SOX6: variants seen among roughly 807,000 people sequenced by gnomAD.
SOX6 encodes the protein SRY-box transcription factor 6, also known as transcription factor SOX-6.
Under a neutral mutation model 97.8 loss-of-function variants are expected in SOX6, and 11 were observed. That is an observed-to-expected ratio of 0.11 (90% CI 0.07 to 0.19). The LOEUF is 0.19. SOX6 is among the 10% of genes least tolerant of loss of function. The probability of loss-of-function intolerance (pLI) is 1.00; values close to 1 mark genes in which losing one functional copy is unlikely to be tolerated. For synonymous variants in SOX6, 360 were observed against 371.4 expected (o/e 0.97, Z 0.35); for missense variants, 810 against 1,039.5 (o/e 0.78, Z 3.04).
At chr11:16,327,681 T>C (rs1312317395) in intron 2 of SOX6, among the ~76,000 whole-genome samples, 1 of 152,068 alleles carries the variant, frequency 6.6e-6, no homozygotes, top group Non-Finnish European at 1.5e-5. Flanking sequence ...ACAAGGAATG[T>C]GGATGGTCAG....
chr11:16,390,958 A>G (rs1003352213), intron 1 of SOX6, among the ~76,000 whole-genome samples: 1 of 152,230 alleles, frequency 6.6e-6, no homozygotes, highest in African/African-American at 2.4e-5. Flanking sequence ...TCCATCAATG[A>G]TACACTGGAT....
chr11:16,654,761 C>G (rs555643484), intron 3 of SOX6, among the ~76,000 whole-genome samples: 2 of 152,144 alleles, frequency 1.3e-5, no homozygotes, highest in Non-Finnish European at 2.9e-5. Flanking sequence ...TGCTAAGAAG[C>G]CTTCTGCTAG....
At chr11:16,458,849 A>G (rs772723039) in intron 1 of SOX6, among the ~76,000 whole-genome samples, 2 of 152,052 alleles carry the variant, frequency 1.3e-5, no homozygotes, top group Non-Finnish European at 2.9e-5. Context: ...TAGAGAGAGA[A>G]ACTACTGACT....
chr11:16,619,239 CAA>C (rs1156399215), intron 3 of SOX6, among the ~76,000 whole-genome samples: 1 of 132,152 alleles, frequency 7.6e-6, no homozygotes. Flanking sequence ...CCCGTATTAC[CAA>C]AAAAAAAAAG....
intron 13 of SOX6, among the ~76,000 whole-genome samples, chr11:16,002,173 A>G (rs1854425894): frequency 6.6e-6 from 1 of 152,206 alleles, no homozygotes; most frequent in South Asian, 2.1e-4. Context: ...GGAGTGGCGC[A>G]GGAGTTATAA....
At chr11:16,597,268 C>T (rs1192623413) in intron 4 of SOX6, among the ~76,000 whole-genome samples, 1 of 151,834 alleles carries the variant, frequency 6.6e-6, no homozygotes, top group Non-Finnish European at 1.5e-5. Context: ...TTTATCCTAA[C>T]ACCGTTATCC....
chr11:16,501,154 C>T (rs1208831495), intron 4 of SOX6, among the ~76,000 whole-genome samples: 1 of 152,062 alleles, frequency 6.6e-6, no homozygotes, highest in Non-Finnish European at 1.5e-5. Context: ...GAAATAATGC[C>T]ACATATCTAC....
chr11:16,634,250 A>T (rs1467130128), intron 3 of SOX6, among the ~76,000 whole-genome samples: 3 of 152,096 alleles, frequency 2.0e-5, no homozygotes, highest in African/African-American at 4.8e-5. Flanking sequence ...TTATATGAAC[A>T]TAGTAAAATA....
chr11:16,218,869 C>T (rs1360907051), intron 4 of SOX6, among the ~76,000 whole-genome samples: 1 of 152,026 alleles, frequency 6.6e-6, no homozygotes, highest in African/African-American at 2.4e-5. Context: ...CCTGGCCAAA[C>T]CATTTTCATG....
At chr11:16,416,118 C>T (rs574351956) in intron 1 of SOX6, among the ~76,000 whole-genome samples, 45 of 152,284 alleles carry the variant, frequency 3.0e-4, no homozygotes, top group African/African-American at 1.1e-3. Flanking sequence ...GCACTAGAGA[C>T]AGTCTGCTTG....
chr11:16,134,740 A>C (rs1240802267), intron 6 of SOX6, among the ~76,000 whole-genome samples: 1 of 152,218 alleles, frequency 6.6e-6, no homozygotes, highest in Non-Finnish European at 1.5e-5. Flanking sequence ...GCATGCGTTC[A>C]GGCTGCACCA....
intron 11 of SOX6, among the ~76,000 whole-genome samples, chr11:16,047,413 G>A (rs1174440207): frequency 1.3e-5 from 2 of 152,036 alleles, no homozygotes; most frequent in African/African-American, 4.8e-5. Context: ...TGACAATGAG[G>A]CGATATGTGT....
At chr11:16,591,390 T>G (rs533029727) in intron 4 of SOX6, among the ~76,000 whole-genome samples, 11 of 142,578 alleles carry the variant, frequency 7.7e-5, no homozygotes, top group African/African-American at 2.8e-4. Flanking sequence ...AGAAAGATAA[T>G]TAGGTATATA....
chr11:16,120,790 G>A (rs954709693), intron 6 of SOX6, among the ~76,000 whole-genome samples: 7 of 151,930 alleles, frequency 4.6e-5, no homozygotes, highest in Admixed American at 6.6e-5. Flanking sequence ...AGTAAAACAC[G>A]CAAACAAAGC....
intron 3 of SOX6, among the ~76,000 whole-genome samples, chr11:16,249,686 A>T (rs1437721178): frequency 6.6e-6 from 1 of 152,174 alleles, no homozygotes; most frequent in East Asian, 1.9e-4. Context: ...ACCAAAAATA[A>T]ATTTATCAGA....
chr11:16,523,664 A>C (rs1250283633), intron 4 of SOX6, among the ~76,000 whole-genome samples: 1 of 152,190 alleles, frequency 6.6e-6, no homozygotes, highest in African/African-American at 2.4e-5. Flanking sequence ...GAGACACAAA[A>C]AACACTTCAA....
intron 4 of SOX6, among the ~76,000 whole-genome samples, chr11:16,549,666 C>T (rs1361152133): frequency 6.6e-5 from 10 of 152,072 alleles, no homozygotes; most frequent in South Asian, 2.1e-4. Context: ...ACTTTATTCA[C>T]GATCACCAAA....
intron 1 of SOX6, among the ~76,000 whole-genome samples, chr11:16,343,663 T>A (rs537442324): frequency 1.3e-5 from 2 of 151,972 alleles, no homozygotes; most frequent in East Asian, 3.9e-4. Flanking sequence ...GCAATTACAT[T>A]AAATAGAAAA....
At chr11:16,737,728 C>T (rs1193330926) in intron 1 of SOX6, among the ~76,000 whole-genome samples, 1 of 151,670 alleles carries the variant, frequency 6.6e-6, no homozygotes, top group Non-Finnish European at 1.5e-5. Flanking sequence ...GGAGAGAGGG[C>T]GAGAAATGGG....
Sources: gnomAD v4.1 joint callset for allele counts (sites outside exome capture counted in the v4.1 genomes callset) on GRCh38, gnomAD v4.1.1 for gene constraint, MANE v1.5 for transcripts, NCBI Gene and HGNC (gene_info 2026-07-23, HGNC 2026-07-21) for gene names.